Variants in EVL observed in about 807,000 individuals in gnomAD.
The protein encoded by EVL is ena/VASP-like protein.
Under a neutral mutation model 59.6 loss-of-function variants are expected in EVL, and 21 were observed. The observed-to-expected ratio is 0.35, with a 90% confidence interval of 0.25 to 0.51. The LOEUF is 0.51. Ranked by LOEUF, EVL falls within the 20% of genes least tolerant of loss-of-function variation. The probability of loss-of-function intolerance (pLI) is 0.97; values close to 1 mark genes in which losing one functional copy is unlikely to be tolerated. For synonymous variants in EVL, 198 were observed against 203.5 expected (o/e 0.97, Z 0.23); for missense variants, 462 against 546.6 (o/e 0.85, Z 1.54).
At position 100,019,458 on chromosome 14, in the gene EVL, TC is replaced by T. The variant is rs772977170; in HGVS notation, c.5+47405del. On this transcript the variant is annotated intron_variant, in intron 1 of 13. Transcript: ENST00000402714. ...ATGATCACATGGTTTTCTAGCTGCC[TC>T]CCCTGTTAGCTGCCGCTTGTCAGCA... 91 of 541,634 alleles carry T rather than the reference TC, an allele frequency of 1.7e-4. 1 individual carries two copies. Among genetic ancestry groups the T allele is most frequent in the Admixed American group, 4.1e-4 (11 of 26,760 alleles). 33.6% of individuals were successfully genotyped at this position (541,634 alleles called of 1,614,324 possible).
chr14:100,031,886 G>T (rs1036741193), intron 1 of EVL, among the ~76,000 whole-genome samples: 1 of 152,168 alleles, frequency 6.6e-6, no homozygotes, highest in Non-Finnish European at 1.5e-5. Flanking sequence ...AATCAACTCT[G>T]GGTCCCATGT....
chr14:100,080,841 T>C (rs1424249730), intron 1 of EVL, among the ~76,000 whole-genome samples: 1 of 152,214 alleles, frequency 6.6e-6, no homozygotes, highest in African/African-American at 2.4e-5. Flanking sequence ...ACAGATTGTT[T>C]TGATCATATA....
intron 1 of EVL, among the ~76,000 whole-genome samples, chr14:100,058,834 C>T (rs1045591397): frequency 6.6e-6 from 1 of 152,110 alleles, no homozygotes. Context: ...TTCATTAAAG[C>T]TAGATGATAG....
chr14:100,141,598 G>A, intron 12 of EVL, 138 bp from the exon 13 acceptor site: 1 of 745,654 alleles, frequency 1.3e-6, no homozygotes, highest in Non-Finnish European at 2.1e-6. Context: ...TGGGAAGGGG[G>A]CCACGAGGAG....
At chr14:100,047,103 G>C (rs1319333941) in intron 1 of EVL, among the ~76,000 whole-genome samples, 1 of 103,256 alleles carries the variant, frequency 9.7e-6, no homozygotes, top group African/African-American at 3.5e-5. Flanking sequence ...TGAGACCTTG[G>C]GCAGATCTCT....
intron 1 of EVL, among the ~76,000 whole-genome samples, chr14:100,023,285 A>G (rs982094851): frequency 1.5e-4 from 22 of 148,332 alleles, no homozygotes; most frequent in Admixed American, 2.7e-4. Context: ...GCTCACTGCA[A>G]CCTCCACATC....
intron 9 of EVL, chr14:100,137,257 T>C (rs1224746962): frequency 2.4e-6 from 1 of 421,102 alleles, no homozygotes; most frequent in Non-Finnish European, 4.4e-6. Context: ...AGCAAGGCTG[T>C]GCTGGGATGT....
chr14:99,978,258 C>T lies in EVL; in HGVS notation c.5+6201C>T, dbSNP rs867838692. ...CTAAAAAAAAATACAAAAAATTAGC[C>T]GGGCATGGTGGCGGGTGCCTGTAGT... is the stretch of plus-strand genomic sequence containing the variant. On this transcript the variant is annotated intron_variant, in intron 1 of 13. Coordinates refer to the EVL transcript ENST00000402714. 6.6e-4 allele frequency among the ~76,000 whole-genome samples: 101 copies of T among 151,924 alleles called. 1 individual carries two copies. The highest frequency in any genetic ancestry group is 1.4e-3 in the Admixed American group (21 of 15,262).
chr14:100,120,601 A>C (rs578102039), intron 3 of EVL, among the ~76,000 whole-genome samples: 1 of 152,172 alleles, frequency 6.6e-6, no homozygotes, highest in Non-Finnish European at 1.5e-5. Context: ...AAGGTGACCC[A>C]CATGGGTTGA....
intron 13 of EVL, 70 bp downstream of exon 13, chr14:100,141,863 G>A: frequency 6.8e-7 from 1 of 1,467,054 alleles, no homozygotes; most frequent in Non-Finnish European, 9.3e-7. Context: ...TGTCACCCAG[G>A]CTGGGGGCCT....
rs1379774654 is a variant in EVL, at chr14:100,047,114, C to CTTTTTTTTTT, written c.6-37572_6-37571insTTTTTTTTTT. ...ATTTTGAGACCTTGGGCAGATCTCTCTCTCTTTTTTTTTTTTTTTTTTTTT... is the reference window on the plus strand; with the variant it reads ...ATTTTGAGACCTTGGGCAGATCTCTCTTTTTTTTTTTCTCTTTTTTTTTTTTTTTTTTTTT... On this transcript the variant is annotated intron_variant, in intron 1 of 13. Coordinates refer to the EVL transcript ENST00000402714. Among the ~76,000 whole-genome samples the CTTTTTTTTTT allele has an allele frequency of 2.1e-3, 198 of 95,102 alleles. 63 individuals are homozygous for CTTTTTTTTTT. The highest frequency in any genetic ancestry group is 6.5e-3 in the South Asian group (14 of 2,144). The allele number at this position is 95,102 out of a possible 152,430, so 62.4% of individuals were successfully genotyped here. A position where few individuals can be genotyped will look rare whatever the true frequency, so the allele number is the denominator to read the frequency against.
upstream of EVL, among the ~76,000 whole-genome samples, chr14:100,064,409 C>A (rs902662133): frequency 6.6e-6 from 1 of 152,164 alleles, no homozygotes; most frequent in Admixed American, 6.5e-5. Flanking sequence ...ATCTTACCTT[C>A]ATGAGAACCC....
At chr14:100,137,705 C>A (rs1888895885) in intron 10 of EVL, 35 bp from the exon 11 acceptor site, 2 of 1,613,894 alleles carry the variant, frequency 1.2e-6, no homozygotes, top group Admixed American at 3.3e-5. Context: ...GGCGCTGGCG[C>A]CGATTCACAT....
Position 100,128,602 on chromosome 14 carries a change from C to T in EVL, c.571C>T (p.Pro191Ser). ...TGGGCCTCCACCGCCCCCCCCACCCCCAGTCCCACCTCCACCCACTGGGGC... is the reference window on the plus strand; with the variant it reads ...TGGGCCTCCACCGCCCCCCCCACCCTCAGTCCCACCTCCACCCACTGGGGC... ...CSGPPPPPPP[P>S]VPPPPTGATP... Residue 191 changes from proline to serine, a missense_variant, in exon 6 of 14, where the codon CCA becomes TCA. Coordinates refer to ENST00000392920, the MANE Select transcript of EVL (RefSeq NM_016337.3). 6.6e-7 allele frequency: 1 copy of T among 1,504,976 alleles called. No homozygotes were observed. Among genetic ancestry groups the T allele is most frequent in the Non-Finnish European group, 9.0e-7 (1 of 1,107,178 alleles). 93.2% of individuals were successfully genotyped at this position (1,504,976 alleles called of 1,614,324 possible).
At chr14:100,032,439 G>A (rs2061328454) in intron 1 of EVL, among the ~76,000 whole-genome samples, 1 of 152,150 alleles carries the variant, frequency 6.6e-6, no homozygotes. Flanking sequence ...ATGACCGAAT[G>A]CTTAAACACA....
intron 4 of EVL, among the ~76,000 whole-genome samples, chr14:100,125,212 TCACA>T (rs1274898694): frequency 1.3e-5 from 1 of 74,852 alleles, no homozygotes; most frequent in African/African-American, 6.0e-5. Context: ...CAAGACGGGA[TCACA>T]CACACAGACA....
chr14:100,005,957 C>T (rs1226194809), intron 1 of EVL, among the ~76,000 whole-genome samples: 1 of 138,580 alleles, frequency 7.2e-6, no homozygotes, highest in Non-Finnish European at 1.5e-5. Flanking sequence ...GTAAATAAAG[C>T]CCTTTAAGTC....
chr14:100,135,869 G>T, intron 8 of EVL, 36 bp from the exon 9 acceptor site: 1 of 1,607,014 alleles, frequency 6.2e-7, no homozygotes, highest in Non-Finnish European at 8.5e-7. Flanking sequence ...GCCCCAGGTG[G>T]CCTTCCTAAA....
chr14:100,011,828 G>A lies in EVL; in HGVS notation c.5+39771G>A, dbSNP rs544969073. 4.6e-5 allele frequency among the ~76,000 whole-genome samples: 7 copies of A among 152,280 alleles called. No individual in the cohort carries two copies. The East Asian group carries it at 1.4e-3, about 29-fold the overall frequency. ...ATCAAGATCTCAAATGACACAAAGT[G>A]CAAAGGGATAATTTCTTTTGTTGTT... On this transcript the variant is annotated intron_variant, in intron 1 of 13. Coordinates refer to the EVL transcript ENST00000402714.
Sources: gnomAD v4.1 joint callset for allele counts (sites outside exome capture counted in the v4.1 genomes callset) on GRCh38, gnomAD v4.1.1 for gene constraint, MANE v1.5 for transcripts, NCBI Gene and HGNC (gene_info 2026-07-23, HGNC 2026-07-21) for gene names.